The following LCORL variants were observed in gnomAD, a reference collection of about 807,000 sequenced individuals.
LCORL encodes the protein ligand dependent nuclear receptor corepressor like, also known as ligand-dependent nuclear receptor corepressor-like protein.
Under a neutral mutation model 141.8 loss-of-function variants are expected in LCORL, and 41 were observed. The ratio of observed to expected loss-of-function variants is 0.29; its 90% confidence interval spans 0.23 to 0.38. The LOEUF is 0.38. LCORL is among the 10% of genes least tolerant of loss of function. LCORL has a pLI of 1.00. For synonymous variants in LCORL, 618 were observed against 694.1 expected, an observed-to-expected ratio of 0.89 and a Z score of 1.72; for missense variants, 1,759 against 2,035.0, an observed-to-expected ratio of 0.86 and a Z score of 2.61.
At position 17,942,359 on chromosome 4, in the gene LCORL, T is replaced by A. The variant is rs547352074; in HGVS notation, c.430+19544A>T. 4.6e-5 allele frequency among the ~76,000 whole-genome samples: 7 copies of A among 152,028 alleles called. No individual in the cohort carries two copies. The South Asian group carries it at 1.5e-3, about 32-fold the overall frequency. On this transcript the variant is annotated intron_variant, in intron 4 of 7. Transcript: ENST00000635767. ...AAATGCTACAAAGCAAGCAGAAAGG[T>A]AAACTGAGGAATTAGGCTTAATAAT...
exon 8 of LCORL, chr4:17,845,457 AC>A: frequency 3.5e-6 from 1 of 288,924 alleles, no homozygotes; most frequent in Non-Finnish European, 6.5e-6. Context: ...AGGGACAATT[AC>A]GTATTTAAAC....
At position 17,972,801 on chromosome 4, in the gene LCORL, A is replaced by G; in HGVS notation, c.220+19T>C. 1 of 1,348,804 alleles carries G rather than the reference A, an allele frequency of 7.4e-7. No homozygotes were observed. The highest frequency in any genetic ancestry group is 9.7e-7 in the Non-Finnish European group (1 of 1,027,360). 83.6% of individuals were successfully genotyped at this position (1,348,804 alleles called of 1,614,324 possible). A position where few individuals can be genotyped will look rare whatever the true frequency, so the allele number is the denominator to read the frequency against. ...TAGGATGGGAAATGACAACTTTTAAATAAAATTTTAAAAATTACCTTCAAA... is the reference window on the plus strand; with the variant it reads ...TAGGATGGGAAATGACAACTTTTAAGTAAAATTTTAAAAATTACCTTCAAA... On this transcript the variant is annotated intron_variant, in intron 2 of 7. Transcript: ENST00000635767.
intron 3 of LCORL, 114 bp downstream of exon 3, chr4:17,962,856 A>T (rs1057222848): frequency 8.1e-5 from 38 of 470,244 alleles, no homozygotes; most frequent in Non-Finnish European, 1.3e-4. Context: ...ACCAAAATCA[A>T]ATACTTAAAC....
rs1222969279 is a variant in LCORL at position 17,884,537 on chromosome 4, T to C, written c.776+1531A>G. 11 of 1,536,088 alleles carry C rather than the reference T, an allele frequency of 7.2e-6. No homozygotes were observed. The highest frequency in any genetic ancestry group is 9.6e-6 in the Non-Finnish European group (11 of 1,142,166). The stretch of plus-strand genomic sequence containing the variant: ...ACTGTCCTTATATGAATAACTATCA[T>C]GGAAATCTCGAGTTTTGTTTTTAAA... On this transcript the variant is annotated intron_variant, in intron 6 of 7. Coordinates refer to ENST00000635767, the Ensembl canonical transcript of LCORL. This position sits in a 1 kb window ranked among gnomAD's most constrained non-coding sequence, Gnocchi z 4.4.
intron 6 of LCORL, among the ~76,000 whole-genome samples, chr4:17,878,631 T>C (rs746611526): frequency 7.3e-5 from 11 of 151,356 alleles, no homozygotes; most frequent in South Asian, 6.2e-4. Context: ...AGGAGTACAA[T>C]CTTTATTTAA....
chr4:17,877,193 AATTTT>A lies in LCORL; in HGVS notation c.1792_1796del (p.Lys598TyrfsTer20). 1 of 1,230,378 alleles carries A rather than the reference AATTTT, an allele frequency of 8.1e-7. No homozygotes were observed. Among genetic ancestry groups the A allele is most frequent in the Non-Finnish European group, 1.0e-6 (1 of 986,670 alleles). The allele number at this position is 1,230,378 out of a possible 1,614,324, so 76.2% of individuals were successfully genotyped here. On this transcript the variant is annotated frameshift_variant, in exon 7 of 8. Coordinates refer to ENST00000635767, the Ensembl canonical transcript of LCORL. LOFTEE classifies it high-confidence loss of function. ...GACGCTTTCGAAATCTTGTCTGAAT[AATTTT>A]ATTTTCTACCTTTTTATCATGTTGA...
At chr4:17,889,869 C>CTA (rs1049878458) in intron 5 of LCORL, among the ~76,000 whole-genome samples, 2 of 151,976 alleles carry the variant, frequency 1.3e-5, no homozygotes, top group African/African-American at 4.8e-5. Context: ...AAAATTAACT[C>CTA]TAAATATATG....
At chr4:17,882,308 ACAGAGAAAGGGGGCACT>A in intron 6 of LCORL, 1 of 984,714 alleles carries the variant, frequency 1.0e-6, no homozygotes, top group East Asian at 1.1e-4. Context: ...CTGAATTTTA[ACAGAGAAAGGGGGCACT>A]CAGAGAATTT....
At chr4:17,879,451 A>G (rs1727281096) in intron 6 of LCORL, among the ~76,000 whole-genome samples, 1 of 150,966 alleles carries the variant, frequency 6.6e-6, no homozygotes, top group Non-Finnish European at 1.5e-5. Flanking sequence ...GAAGCTATCA[A>G]ACAAAGTGAG....
intron 1 of LCORL, among the ~76,000 whole-genome samples, chr4:18,003,803 A>C (rs1722361982): frequency 6.6e-6 from 1 of 152,222 alleles, no homozygotes; most frequent in Non-Finnish European, 1.5e-5. Context: ...TTGAGGTGTA[A>C]CTTTTCCAAA....
At chr4:17,912,054 G>C in intron 4 of LCORL, 2 of 688,706 alleles carry the variant, frequency 2.9e-6, no homozygotes, top group Non-Finnish European at 5.4e-6. Context: ...TGGAGAAGAA[G>C]GGACCCCAGG....
At chr4:17,993,554 G>A (rs1198247484) in intron 1 of LCORL, among the ~76,000 whole-genome samples, 1 of 152,102 alleles carries the variant, frequency 6.6e-6, no homozygotes, top group African/African-American at 2.4e-5. Flanking sequence ...AAAATGGTAT[G>A]AGTAAAGAAT....
chr4:17,909,733 A>G (rs990486806), intron 4 of LCORL, among the ~76,000 whole-genome samples: 41 of 152,252 alleles, frequency 2.7e-4, no homozygotes, highest in African/African-American at 8.7e-4. Flanking sequence ...TTATCCTAAT[A>G]TACAATGTGC....
chr4:17,979,923 G>T (rs1211677592), intron 1 of LCORL, among the ~76,000 whole-genome samples: 1 of 152,190 alleles, frequency 6.6e-6, no homozygotes, highest in Non-Finnish European at 1.5e-5. Context: ...AAAGAGAGAT[G>T]AAATTGTGAG....
chr4:17,876,565 C>G, exon 7 of LCORL: 2 of 1,230,662 alleles, frequency 1.6e-6, no homozygotes, highest in Non-Finnish European at 2.0e-6. Context: ...TTCACTGGAT[C>G]GTTTTTTGTT....
At chr4:18,004,634 C>A (rs1029937205) in intron 1 of LCORL, among the ~76,000 whole-genome samples, 6 of 152,102 alleles carry the variant, frequency 3.9e-5, no homozygotes, top group Non-Finnish European at 1.5e-5. Context: ...ATCATTCCAC[C>A]CTGGCCCCTC....
At chr4:17,927,353 C>T (rs1423188504) in intron 4 of LCORL, among the ~76,000 whole-genome samples, 6 of 152,192 alleles carry the variant, frequency 3.9e-5, no homozygotes, top group Non-Finnish European at 5.9e-5. Flanking sequence ...AAACTTTCTC[C>T]CTATCAGCAA....
At position 17,978,520 on chromosome 4, in the gene LCORL, C is replaced by T. The variant is rs947090770; in HGVS notation, c.155-5635G>A. On this transcript the variant is annotated intron_variant, in intron 1 of 7. Coordinates refer to ENST00000635767, the Ensembl canonical transcript of LCORL. ...TGGCTGAAGTGGAGGAATGCTTGAG[C>T]CAGAAATTGGAGTCTGAAGTGAGCT... 2.7e-5 allele frequency among the ~76,000 whole-genome samples: 4 copies of T among 150,940 alleles called. No homozygotes were observed. In the East Asian group the frequency reaches 7.8e-4, roughly 29 times the overall value.
chr4:17,853,237 ATGTTAATACCCATTT>A (rs1217854496), intron 7 of LCORL, among the ~76,000 whole-genome samples: 1 of 152,026 alleles, frequency 6.6e-6, no homozygotes. Flanking sequence ...ATGATTCTCC[ATGTTAATACCCATTT>A]TTCTATTCTT....
Sources: gnomAD v4.1 joint callset for allele counts (sites outside exome capture counted in the v4.1 genomes callset) on GRCh38, gnomAD v4.1.1 for gene constraint, Gnocchi (gnomAD v3.1) non-coding constraint, MANE v1.5 for transcripts, NCBI Gene and HGNC (gene_info 2026-07-23, HGNC 2026-07-21) for gene names.